The following SMYD4 variants were observed in gnomAD, a reference collection of about 807,000 sequenced individuals.
The protein encoded by SMYD4 is SET and MYND domain containing 4, also known as protein-lysine N-methyltransferase SMYD4.
In SMYD4, 68 loss-of-function variants were observed where a neutral mutation model predicts 72.8. That is an observed-to-expected ratio of 0.93 (90% CI 0.77 to 1.14). SMYD4 has a LOEUF of 1.14. SMYD4 is among the 50% of genes most tolerant of loss of function. The probability of loss-of-function intolerance (pLI) is 0.00; values close to 1 mark genes in which losing one functional copy is unlikely to be tolerated. For synonymous variants in SMYD4, 407 were observed against 388.6 expected, an observed-to-expected ratio of 1.05 and a Z score of -0.56; for missense variants, 984 against 1,003.7, an observed-to-expected ratio of 0.98 and a Z score of 0.27.
intron 9 of SMYD4, 35 bp downstream of exon 9, chr17:1,783,325 G>C: frequency 6.2e-7 from 1 of 1,611,256 alleles, no homozygotes; most frequent in Non-Finnish European, 8.5e-7. Context: ...ACAGCAGACT[G>C]TTCCCGACGC....
intron 2 of SMYD4, among the ~76,000 whole-genome samples, chr17:1,819,321 C>T (rs907236616): frequency 1.3e-5 from 2 of 152,170 alleles, no homozygotes; most frequent in African/African-American, 2.4e-5. Context: ...TGTGCCACTG[C>T]ACTCCAGCCT....
intron 3 of SMYD4, among the ~76,000 whole-genome samples, chr17:1,806,710 G>A (rs997541203): frequency 6.6e-6 from 1 of 152,114 alleles, no homozygotes; most frequent in East Asian, 1.9e-4. Context: ...GTTAGTGAGG[G>A]TGTACACTGG....
rs1481084359 is a variant in SMYD4 at position 1,783,103 on chromosome 17, A to T, written c.2193T>A (p.Val731=). The change falls in exon 10 of 11, where the codon GTT becomes GTA. Residue 731 remains valine (V), a synonymous_variant. Coordinates refer to ENST00000305513, the MANE Select transcript of SMYD4 (RefSeq NM_052928.3). The part of the protein sequence containing the change: ...HLQRSLYVVE[V]RHGPSSVEMG... ...TTTCAACACTGGACGGCCCGTGGCG[A>T]ACCTCCACCACGTAGAGACTCCTCT... The T allele has an allele frequency of 5.6e-6, 9 of 1,614,074 alleles. No homozygotes were observed. Among genetic ancestry groups the T allele is most frequent in the Non-Finnish European group, 7.6e-6 (9 of 1,180,044 alleles).
intron 3 of SMYD4, among the ~76,000 whole-genome samples, chr17:1,811,727 G>C (rs1204630287): frequency 6.6e-6 from 1 of 152,090 alleles, no homozygotes; most frequent in East Asian, 1.9e-4. Flanking sequence ...AGTAGTTTGA[G>C]ACCAGCCTGG....
intron 5 of SMYD4, among the ~76,000 whole-genome samples, chr17:1,797,032 C>T (rs776212406): frequency 2.6e-5 from 4 of 152,102 alleles, no homozygotes; most frequent in South Asian, 2.1e-4. Context: ...AGATGTTCCA[C>T]GAGCTTCAGG....
intron 2 of SMYD4, among the ~76,000 whole-genome samples, chr17:1,827,139 T>C (rs1185955788): frequency 6.7e-6 from 1 of 149,010 alleles, no homozygotes; most frequent in African/African-American, 2.5e-5. Flanking sequence ...GGTGACAGAG[T>C]GAGACCCTGT....
intron 2 of SMYD4, among the ~76,000 whole-genome samples, chr17:1,822,410 TTAAAC>T (rs1023429537): frequency 2.0e-5 from 3 of 152,108 alleles, no homozygotes; most frequent in African/African-American, 7.2e-5. Context: ...TGATAAAAAA[TTAAAC>T]TAAGGAAGGA....
chr17:1,792,060 A>G (rs1459705144), intron 5 of SMYD4, among the ~76,000 whole-genome samples: 1 of 149,230 alleles, frequency 6.7e-6, no homozygotes, highest in Non-Finnish European at 1.5e-5. Context: ...TTTTTTTGAG[A>G]CGGGGTCTCG....
chr17:1,792,445 G>A (rs555113095), intron 5 of SMYD4, among the ~76,000 whole-genome samples: 4 of 152,158 alleles, frequency 2.6e-5, no homozygotes, highest in Non-Finnish European at 4.4e-5. Flanking sequence ...TCAGGAGATG[G>A]AGACCACCTT....
chr17:1,818,569 C>A (rs926011505), intron 2 of SMYD4, among the ~76,000 whole-genome samples: 4 of 152,156 alleles, frequency 2.6e-5, no homozygotes, highest in African/African-American at 9.7e-5. Context: ...CTTTTTCTCA[C>A]CCTAACCAAT....
intron 2 of SMYD4, among the ~76,000 whole-genome samples, chr17:1,816,813 T>G (rs931663146): frequency 2.0e-5 from 3 of 151,832 alleles, no homozygotes; most frequent in African/African-American, 7.3e-5. Context: ...TTTCTCTGAT[T>G]ATGAATGATG....
chr17:1,792,626 C>G (rs1909117084), intron 5 of SMYD4, among the ~76,000 whole-genome samples: 2 of 151,734 alleles, frequency 1.3e-5, no homozygotes, highest in African/African-American at 4.8e-5. Context: ...GGGCAACAGA[C>G]AGAGGCCCTG....
At position 1,827,938 on chromosome 17, in the gene SMYD4, G is replaced by C. The variant is rs2151259055; in HGVS notation, c.57C>G (p.Leu19=). 2 of 1,613,606 alleles carry C rather than the reference G, an allele frequency of 1.2e-6. No homozygotes were observed. The highest frequency in any genetic ancestry group is 1.1e-5 in the South Asian group (1 of 91,064). ...AAATTGTGACCTGAACAGACGTCGG[G>C]AGTGAAGCCCACTTTTGAAGCAGAT... ...KSYLLQKWAS[L]PTSVQVTIST... is the part of the protein sequence containing the mutation. Residue 19 remains leucine (L), a synonymous_variant, in exon 2 of 11, where the codon CTC becomes CTG. Coordinates refer to ENST00000305513, the MANE Select transcript of SMYD4 (RefSeq NM_052928.3).
At chr17:1,787,711 G>C (rs1312562995) in intron 5 of SMYD4, 107 bp from the exon 6 acceptor site, 2 of 1,136,550 alleles carry the variant, frequency 1.8e-6, no homozygotes, top group Non-Finnish European at 2.4e-6. Context: ...CAGCCCGTGT[G>C]AGTCATGGCT....
At chr17:1,810,330 G>A (rs920514933) in intron 3 of SMYD4, among the ~76,000 whole-genome samples, 1 of 151,922 alleles carries the variant, frequency 6.6e-6, no homozygotes, top group African/African-American at 2.4e-5. Flanking sequence ...ACCCAGGGTA[G>A]TGCAGAGACC....
intron 2 of SMYD4, among the ~76,000 whole-genome samples, chr17:1,824,823 C>T (rs970347074): frequency 1.3e-5 from 2 of 151,926 alleles, no homozygotes; most frequent in Non-Finnish European, 2.9e-5. Context: ...TGGGGTTTCA[C>T]CATGTTGGCT....
chr17:1,799,881 C>T lies in SMYD4; in HGVS notation c.1513G>A (p.Ala505Thr). The T allele has an allele frequency of 6.2e-7, 1 of 1,607,780 alleles. No individual in the cohort carries two copies. Among genetic ancestry groups the T allele is most frequent in the Non-Finnish European group, 8.5e-7 (1 of 1,176,060 alleles). ...HMLQLQCNAQ[A>T]MTTIQHTGPK... ...CCTGTGTGTTGTATGGTGGTCATCGCCTGAGCGTTACACTGAAGCTGTAAC... is the reference window on the plus strand; with the variant it reads ...CCTGTGTGTTGTATGGTGGTCATCGTCTGAGCGTTACACTGAAGCTGTAAC... The change falls in exon 5 of 11, where the codon GCG becomes ACG. Residue 505 changes from alanine (A) to threonine (T), a missense_variant. Ala to Thr is a moderately conservative substitution (Grantham distance 58, BLOSUM62 0). Coordinates refer to ENST00000305513, the MANE Select transcript of SMYD4 (RefSeq NM_052928.3).
intron 5 of SMYD4, among the ~76,000 whole-genome samples, chr17:1,789,529 C>T (rs183545044): frequency 5.4e-4 from 82 of 152,182 alleles, no homozygotes; most frequent in Admixed American, 3.8e-3. Context: ...TTTGGGAGGC[C>T]AAGGCGGGCA....
Position 1,800,612 on chromosome 17 carries a change from T to C in SMYD4, c.782A>G (p.Gln261Arg), listed in dbSNP as rs753057904. ...KDILPGELLVQEDAFVSVLNP... is the reference protein window; with the variant it reads ...KDILPGELLVREDAFVSVLNP... ...GAGAACACTCACAAAAGCATCCTCC[T>C]GCACCAGGAGCTCTCCTGGGAGAAT... Residue 261 changes from glutamine (Q) to arginine (R), a missense_variant, in exon 5 of 11, where the codon CAG becomes CGG. Transcript: ENST00000305513. 1.2e-6 allele frequency: 2 copies of C among 1,614,160 alleles called. No homozygotes were observed. Among genetic ancestry groups the C allele is most frequent in the Non-Finnish European group, 1.7e-6 (2 of 1,179,992 alleles).
Sources: allele counts gnomAD v4.1 joint callset (sites outside exome capture counted in the v4.1 genomes callset), GRCh38; gene constraint gnomAD v4.1.1; transcripts MANE v1.5; gene names NCBI Gene and HGNC (gene_info 2026-07-23, HGNC 2026-07-21).